CLNK: variants seen among roughly 807,000 people sequenced by gnomAD.
CLNK encodes cytokine dependent hematopoietic cell linker, also known as cytokine-dependent hematopoietic cell linker.
In CLNK, 74 loss-of-function variants were observed where a neutral mutation model predicts 68.6. The ratio of observed to expected loss-of-function variants is 1.08; its 90% CI spans 0.89 to 1.31. The LOEUF is 1.31. Ranked by LOEUF, CLNK falls within the 50% of genes most tolerant of loss-of-function variation. CLNK has a pLI of 0.00. For synonymous variants in CLNK, 198 were observed against 172.2 expected, an observed-to-expected ratio of 1.15 and a Z score of -1.17; for missense variants, 553 against 515.3, an observed-to-expected ratio of 1.07 and a Z score of -0.71.
intron 2 of CLNK, among the ~76,000 whole-genome samples, chr4:10,608,726 G>A (rs1402982376): frequency 6.6e-6 from 1 of 152,206 alleles, no homozygotes; most frequent in African/African-American, 2.4e-5. Context: ...CTGTGGGCTG[G>A]GGATTGCATT....
chr4:10,645,068 C>T (rs1433570261), intron 2 of CLNK, among the ~76,000 whole-genome samples: 1 of 152,148 alleles, frequency 6.6e-6, no homozygotes, highest in Non-Finnish European at 1.5e-5. Context: ...TATGGGTTGA[C>T]CTGGAGTCAT....
chr4:10,624,117 G>T (rs1052584699), intron 2 of CLNK, among the ~76,000 whole-genome samples: 15 of 152,182 alleles, frequency 9.9e-5, no homozygotes, highest in Non-Finnish European at 2.1e-4. Context: ...AGTGTTTTAG[G>T]TTTACACAAT....
chr4:10,708,821 T>C, the CLNK span, among the ~76,000 whole-genome samples: 43 of 152,300 alleles, frequency 2.8e-4, no homozygotes, highest in African/African-American at 9.1e-4. Context: ...CCTTCATTCA[T>C]AGCATTTACA....
intron 12 of CLNK, among the ~76,000 whole-genome samples, chr4:10,528,515 G>A (rs763484475): frequency 2.0e-5 from 3 of 152,058 alleles, no homozygotes; most frequent in Non-Finnish European, 2.9e-5. Flanking sequence ...TTAAATCACT[G>A]GAAACAATCT....
At chr4:10,672,147 C>T (rs1724671973) in intron 1 of CLNK, among the ~76,000 whole-genome samples, 2 of 152,142 alleles carry the variant, frequency 1.3e-5, no homozygotes, top group South Asian at 2.1e-4. Context: ...AGATTGTGAC[C>T]CCATAGTACT....
chr4:10,604,618 G>A (rs560850271), intron 2 of CLNK, among the ~76,000 whole-genome samples: 23 of 151,186 alleles, frequency 1.5e-4, no homozygotes, highest in African/African-American at 5.3e-4. Context: ...ATGTGTGTAT[G>A]GGGTCTACTC....
the CLNK span, among the ~76,000 whole-genome samples, chr4:10,699,514 T>TATATATATATATTTTA: frequency 5.4e-5 from 1 of 18,452 alleles, no homozygotes; most frequent in Admixed American, 6.8e-4. Context: ...ATATATATAT[T>TATATATATATATTTTA]TTTTTTTTTT....
At chr4:10,650,794 T>A (rs1361007349) in intron 2 of CLNK, among the ~76,000 whole-genome samples, 10 of 152,134 alleles carry the variant, frequency 6.6e-5, no homozygotes, top group African/African-American at 2.2e-4. Context: ...ATTTGCAATC[T>A]ATGCATCTGG....
At chr4:10,493,109 G>A (rs1317558049) in intron 18 of CLNK, among the ~76,000 whole-genome samples, 1 of 152,238 alleles carries the variant, frequency 6.6e-6, no homozygotes, top group East Asian at 1.9e-4. Flanking sequence ...TTAAGGTCAG[G>A]AGTTCGAGGC....
chr4:10,565,016 C>T (rs1720048881), intron 6 of CLNK, among the ~76,000 whole-genome samples: 1 of 152,160 alleles, frequency 6.6e-6, no homozygotes, highest in Non-Finnish European at 1.5e-5. Context: ...TCTCATTCAC[C>T]TTAGAAATTC....
At chr4:10,699,494 C>CTCTCTCTCTCTCTA in the CLNK span, among the ~76,000 whole-genome samples, 30 of 56,960 alleles carry the variant, frequency 5.3e-4, no homozygotes, top group South Asian at 7.6e-4. Context: ...CTCTCTCTCT[C>CTCTCTCTCTCTCTA]TATATATATA....
intron 2 of CLNK, among the ~76,000 whole-genome samples, chr4:10,637,944 C>G (rs1723160360): frequency 6.6e-6 from 1 of 152,052 alleles, no homozygotes; most frequent in African/African-American, 2.4e-5. Context: ...CTTAAAGAGT[C>G]CCTTAAACAC....
intron 8 of CLNK, among the ~76,000 whole-genome samples, chr4:10,545,788 C>G (rs866140996): frequency 6.6e-6 from 1 of 152,154 alleles, no homozygotes; most frequent in Non-Finnish European, 1.5e-5. Context: ...GTTGCTGAGC[C>G]TCCACAGCTC....
chr4:10,626,966 C>T (rs1722698135), intron 2 of CLNK, among the ~76,000 whole-genome samples: 1 of 152,198 alleles, frequency 6.6e-6, no homozygotes, highest in Admixed American at 6.5e-5. Context: ...CATCCATAGA[C>T]TAGCTCTAGA....
upstream of CLNK, among the ~76,000 whole-genome samples, chr4:10,687,393 A>T (rs1455848779): frequency 6.6e-6 from 1 of 152,168 alleles, no homozygotes; most frequent in Non-Finnish European, 1.5e-5. Context: ...GGGAAGTGAC[A>T]AGAGATCTGA....
intron 4 of CLNK, among the ~76,000 whole-genome samples, chr4:10,583,644 G>A (rs1163367972): frequency 6.6e-6 from 1 of 152,090 alleles, no homozygotes; most frequent in Middle Eastern, 3.2e-3. Context: ...GTTTCTTTCC[G>A]GTAAGGTGTA....
intron 2 of CLNK, among the ~76,000 whole-genome samples, chr4:10,630,446 G>A (rs1722841312): frequency 6.6e-6 from 1 of 152,162 alleles, no homozygotes; most frequent in Non-Finnish European, 1.5e-5. Context: ...CAGAAGCTCA[G>A]AGTCGTTTCC....
intron 8 of CLNK, among the ~76,000 whole-genome samples, chr4:10,542,657 T>C (rs1719080442): frequency 5.3e-5 from 1 of 18,780 alleles, no homozygotes; most frequent in Non-Finnish European, 1.8e-4. Context: ...TGTGTGTGTA[T>C]GTGTGTGTGT....
chr4:10,536,769 A>G (rs1402339690), intron 11 of CLNK, among the ~76,000 whole-genome samples: 1 of 152,218 alleles, frequency 6.6e-6, no homozygotes, highest in African/African-American at 2.4e-5. Context: ...TTCTCATCAC[A>G]TCTAAAAATG....
Sources: gnomAD v4.1 joint callset for allele counts (sites outside exome capture counted in the v4.1 genomes callset) on GRCh38, gnomAD v4.1.1 for gene constraint, MANE v1.5 for transcripts, NCBI Gene and HGNC (gene_info 2026-07-23, HGNC 2026-07-21) for gene names.